The following NUP133 variants were observed in gnomAD, a reference collection of about 807,000 sequenced individuals.
NUP133 encodes the protein nucleoporin 133, also known as nuclear pore complex protein Nup133.
Under a neutral mutation model 146.2 loss-of-function variants are expected in NUP133, and 66 were observed. The observed-to-expected ratio is 0.45, with a 90% confidence interval of 0.37 to 0.55. NUP133 has a LOEUF of 0.55. Ranked by LOEUF, NUP133 falls within the 20% of genes least tolerant of loss-of-function variation. NUP133 has a pLI of 0.00. For synonymous variants in NUP133, 521 were observed against 498.8 expected, an observed-to-expected ratio of 1.04 and a Z score of -0.59; for missense variants, 1,277 against 1,374.8, an observed-to-expected ratio of 0.93 and a Z score of 1.12.
At chr1:229,490,573 G>A (rs1298838100) in intron 8 of NUP133, among the ~76,000 whole-genome samples, 1 of 152,156 alleles carries the variant, frequency 6.6e-6, no homozygotes, top group Non-Finnish European at 1.5e-5. Flanking sequence ...GGATGGAGGG[G>A]TCGATTACAG....
intron 8 of NUP133, among the ~76,000 whole-genome samples, chr1:229,494,664 G>C (rs560079773): frequency 6.6e-6 from 1 of 152,274 alleles, no homozygotes; most frequent in South Asian, 2.1e-4. Context: ...GCACCACTCA[G>C]AGAGAGCACT....
chr1:229,502,938 A>G (rs1416943286), intron 2 of NUP133, among the ~76,000 whole-genome samples: 1 of 152,016 alleles, frequency 6.6e-6, no homozygotes, highest in African/African-American at 2.4e-5. Context: ...TGGTCAAGAG[A>G]GCAAGACTCC....
rs573862339 is a variant in NUP133, at chr1:229,493,048, CAGTTA to C, written c.1046+2442_1046+2446del. 3.1e-3 allele frequency among the ~76,000 whole-genome samples: 465 copies of C among 152,172 alleles called. 2 individuals are homozygous for C. The highest frequency in any genetic ancestry group is 0.011 in the African/African-American group (452 of 41,492). On this transcript the variant is annotated intron_variant, in intron 8 of 25. Transcript: ENST00000261396. ...GCCTCAAGTGATCCTCCTGCTTTAC[CAGTTA>C]AGTTTTTATGTGAGTATATCCAAAG... is the stretch of plus-strand genomic sequence containing the variant.
intron 15 of NUP133, among the ~76,000 whole-genome samples, chr1:229,467,885 A>T (rs887380958): frequency 1.1e-4 from 17 of 151,204 alleles, no homozygotes; most frequent in African/African-American, 4.2e-4. Context: ...AGATTGTGTC[A>T]CTGCACTCCA....
chr1:229,471,437 T>A (rs1660953309), intron 14 of NUP133, among the ~76,000 whole-genome samples: 1 of 152,124 alleles, frequency 6.6e-6, no homozygotes, highest in South Asian at 2.1e-4. Flanking sequence ...CTTTACTAGC[T>A]GTATCAATTA....
chr1:229,506,819 T>A (rs544200324), intron 1 of NUP133, among the ~76,000 whole-genome samples: 1 of 71,964 alleles, frequency 1.4e-5, no homozygotes, highest in East Asian at 2.5e-4. Flanking sequence ...ACCCTGTCTC[T>A]TTAAAAAAAA....
rs1660179502 is a variant in NUP133 at position 229,441,425 on chromosome 1, CA to C, written c.*478del. The C allele has an allele frequency of 1.9e-6, 1 of 532,394 alleles. No homozygotes were observed. The highest frequency in any genetic ancestry group is 1.9e-5 in the Admixed American group (1 of 51,504). 33.0% of individuals were successfully genotyped at this position (532,394 alleles called of 1,614,324 possible). A position where few individuals can be genotyped will look rare whatever the true frequency, so the allele number is the denominator to read the frequency against. On this transcript the variant is annotated 3_prime_UTR_variant, in exon 26 of 26. Transcript: ENST00000261396. ...GGTTTTTCATCTCATAATAAGTCAG[CA>C]AAAGTTGACATTTATCTTACTAGAC... is the stretch of plus-strand genomic sequence containing the variant.
At chr1:229,501,666 A>G (rs1365452257) in intron 3 of NUP133, among the ~76,000 whole-genome samples, 1 of 152,246 alleles carries the variant, frequency 6.6e-6, no homozygotes, top group Non-Finnish European at 1.5e-5. Flanking sequence ...TCTCAGAAAT[A>G]CGCAAACTCA....
In NUP133 at chr1:229,464,655, T is replaced by C. The variant is rs374323631; in HGVS notation, c.2520A>G (p.Leu840=). The C allele has an allele frequency of 5.0e-6, 8 of 1,614,162 alleles. No homozygotes were observed. Among genetic ancestry groups the C allele is most frequent in the Admixed American group, 3.3e-5 (2 of 60,028 alleles). ...ERYDNLEMEY[L]QKRSDLLSPL... is the part of the protein sequence containing the mutation. ...GAGATAAGAGATCTGATCTTTTCTG[T>C]AGGTATTCCATCTCCAGATTGTCAT... The change falls in exon 18 of 26, where the codon CTA becomes CTG. Residue 840 remains leucine, a synonymous_variant. Coordinates refer to ENST00000261396, the MANE Select transcript of NUP133 (RefSeq NM_018230.3).
At chr1:229,498,777 AC>A (rs1661723822) in intron 5 of NUP133, among the ~76,000 whole-genome samples, 1 of 150,900 alleles carries the variant, frequency 6.6e-6, no homozygotes, top group Non-Finnish European at 1.5e-5. Flanking sequence ...AAAAAAAAAA[AC>A]AACTTTTGTA....
intron 10 of NUP133, among the ~76,000 whole-genome samples, chr1:229,486,842 T>C (rs1571931328): frequency 6.6e-6 from 1 of 151,850 alleles, no homozygotes; most frequent in East Asian, 1.9e-4. Context: ...AAGAGCTTTT[T>C]CAATCCTGTG....
intron 15 of NUP133, among the ~76,000 whole-genome samples, chr1:229,468,165 T>C (rs1660867291): frequency 6.6e-6 from 1 of 152,064 alleles, no homozygotes; most frequent in Non-Finnish European, 1.5e-5. Context: ...GAGCGCACCC[T>C]CAGGCAGCTC....
chr1:229,503,476 C>A (rs754065350), intron 2 of NUP133, among the ~76,000 whole-genome samples: 1 of 152,124 alleles, frequency 6.6e-6, no homozygotes, highest in African/African-American at 2.4e-5. Flanking sequence ...CAAAGAGTTA[C>A]GTTCTCTATT....
intron 7 of NUP133, 122 bp from the exon 8 acceptor site, chr1:229,495,687 T>A (rs1303420618): frequency 2.2e-6 from 2 of 890,860 alleles, no homozygotes; most frequent in Non-Finnish European, 3.4e-6. Context: ...AATGTATACA[T>A]TAAAAAAAAA....
At chr1:229,507,121 C>T (rs557860935) in intron 1 of NUP133, among the ~76,000 whole-genome samples, 146 of 152,238 alleles carry the variant, frequency 9.6e-4, no homozygotes, top group Non-Finnish European at 1.9e-3. Flanking sequence ...AATAAAACAA[C>T]ACACAGTAAA....
chr1:229,448,017 C>A (rs1660352007), intron 24 of NUP133, among the ~76,000 whole-genome samples: 1 of 152,220 alleles, frequency 6.6e-6, no homozygotes, highest in Admixed American at 6.5e-5. Flanking sequence ...TAGTCGTCCT[C>A]GCTGCTCATT....
In NUP133 at chr1:229,470,702, C is replaced by T. The variant is rs773520841; in HGVS notation, c.1954G>A (p.Val652Ile). 1.2e-6 allele frequency: 2 copies of T among 1,614,210 alleles called. No homozygotes were observed. Among genetic ancestry groups the T allele is most frequent in the South Asian group, 2.2e-5 (2 of 91,082 alleles). ...AGCCGGGAGTGGTGGTTCTTGAGAA[C>T]AATGGCGGCTGACAGCTTTTCGGCA... ...EHAEKLSAAIVLKNHHSRLSD... is the reference protein window; with the variant it reads ...EHAEKLSAAIILKNHHSRLSD... Residue 652 changes from valine (V) to isoleucine (I), a missense_variant, in exon 15 of 26, where the codon GTT (valine) becomes ATT (isoleucine). Around this residue, in one of 3 missense-constraint regions of NUP133, gnomAD observed 952 missense variants for 1,047.0 expected, o/e 0.91. Coordinates refer to ENST00000261396, the MANE Select transcript of NUP133 (RefSeq NM_018230.3).
chr1:229,475,688 G>A lies in NUP133; in HGVS notation c.1801C>T (p.Leu601=). Residue 601 remains leucine, a synonymous_variant, in exon 14 of 26, where the codon CTA becomes TTA. Transcript: ENST00000261396. The stretch of plus-strand genomic sequence containing the variant: ...GAGTGAGCTTTCATCTTGTCTTCTA[G>A]CTGGTGAAGGATAATCAGTGACGTA... ...SNTSLIILHQ[L]EDKMKAHSFL... 6.2e-7 allele frequency: 1 copy of A among 1,614,186 alleles called. No homozygotes were observed. Among genetic ancestry groups the A allele is most frequent in the Non-Finnish European group, 8.5e-7 (1 of 1,179,990 alleles).
intron 12 of NUP133, among the ~76,000 whole-genome samples, chr1:229,482,556 A>G (rs1179519005): frequency 1.3e-5 from 2 of 152,220 alleles, no homozygotes; most frequent in Non-Finnish European, 2.9e-5. Flanking sequence ...TGAATTTGCC[A>G]TACCTTTTAA....
Sources: allele counts gnomAD v4.1 joint callset (sites outside exome capture counted in the v4.1 genomes callset), GRCh38; gene constraint gnomAD v4.1.1; regional missense constraint gnomAD v4.1.1; transcripts MANE v1.5; gene names NCBI Gene and HGNC (gene_info 2026-07-23, HGNC 2026-07-21).